IMPG2: variants seen among roughly 807,000 people sequenced by gnomAD.
IMPG2 encodes interphotoreceptor matrix proteoglycan 2.
In IMPG2, 91 loss-of-function variants were observed where a neutral mutation model predicts 129.2. That is an observed-to-expected ratio of 0.70 (90% CI 0.59 to 0.84). IMPG2 has a LOEUF of 0.84. Among genes scored for constraint, IMPG2 ranks in the 40% least tolerant of loss-of-function variants. The pLI, the probability that IMPG2 is intolerant of heterozygous loss-of-function variation, is 0.00. For synonymous variants in IMPG2, 510 were observed against 517.7 expected (o/e 0.99, Z 0.20); for missense variants, 1,430 against 1,461.7 (o/e 0.98, Z 0.35).
At chr3:101,319,861 C>T (rs368537251) in intron 1 of IMPG2, 29 bp from the exon 2 acceptor site, 3 of 1,603,398 alleles carry the variant, frequency 1.9e-6, no homozygotes, top group Non-Finnish European at 1.7e-6. Context: ...GTCAAGTCTT[C>T]GATAATGAAG....
At chr3:101,236,452 G>A (rs964973447) in intron 14 of IMPG2, among the ~76,000 whole-genome samples, 2 of 152,146 alleles carry the variant, frequency 1.3e-5, no homozygotes, top group Non-Finnish European at 2.9e-5. Flanking sequence ...AGCTCCCAGC[G>A]AGATCAATGC....
chr3:101,272,330 G>A (rs74956593), intron 7 of IMPG2, among the ~76,000 whole-genome samples: 6,283 of 152,210 alleles, frequency 0.041, 446 homozygotes, highest in African/African-American at 0.14. Context: ...CAAAGTGACT[G>A]TTGGTAGACA....
chr3:101,227,012 A>T, intron 18 of IMPG2, 31 bp from the exon 19 acceptor site: 1 of 1,550,154 alleles, frequency 6.5e-7, no homozygotes, highest in Non-Finnish European at 8.8e-7. Context: ...GCAATTCAGT[A>T]AAAAAAAAGC....
intron 16 of IMPG2, among the ~76,000 whole-genome samples, chr3:101,230,555 C>T (rs1434719982): frequency 1.3e-5 from 2 of 152,210 alleles, no homozygotes; most frequent in Non-Finnish European, 1.5e-5. Flanking sequence ...TGGTCACACT[C>T]AACCATGCCT....
At chr3:101,229,859 G>A (rs149697885) in intron 16 of IMPG2, among the ~76,000 whole-genome samples, 5 of 152,316 alleles carry the variant, frequency 3.3e-5, no homozygotes, top group Non-Finnish European at 7.3e-5. Context: ...ATTCATAAAT[G>A]TTGGAAACTA....
At chr3:101,280,472 AC>A (rs1034352272) in intron 4 of IMPG2, among the ~76,000 whole-genome samples, 4 of 152,210 alleles carry the variant, frequency 2.6e-5, no homozygotes, top group African/African-American at 9.6e-5. Flanking sequence ...TCAAAAACTT[AC>A]CCTTTAAAAC....
At chr3:101,255,139 T>C (rs972176511) in intron 10 of IMPG2, among the ~76,000 whole-genome samples, 4 of 152,114 alleles carry the variant, frequency 2.6e-5, no homozygotes, top group Non-Finnish European at 4.4e-5. Context: ...AGGTTATTTA[T>C]AGCAGTGTGA....
intron 2 of IMPG2, among the ~76,000 whole-genome samples, chr3:101,312,636 C>T (rs1479682375): frequency 6.6e-6 from 1 of 151,976 alleles, no homozygotes; most frequent in Non-Finnish European, 1.5e-5. Flanking sequence ...TATAAAGTTA[C>T]TATATGACCC....
At chr3:101,299,844 T>C (rs1029309252) in intron 3 of IMPG2, among the ~76,000 whole-genome samples, 1 of 152,128 alleles carries the variant, frequency 6.6e-6, no homozygotes, top group African/African-American at 2.4e-5. Flanking sequence ...CTGTATAGGG[T>C]GTCTGACAAC....
intron 10 of IMPG2, among the ~76,000 whole-genome samples, chr3:101,256,269 CT>C (rs1440610427): frequency 6.6e-6 from 1 of 151,500 alleles, no homozygotes; most frequent in Non-Finnish European, 1.5e-5. Flanking sequence ...ACAGTAAAAT[CT>C]TTTTAAAAGT....
At chr3:101,293,360 T>A (rs1009579848) in intron 3 of IMPG2, among the ~76,000 whole-genome samples, 3 of 152,180 alleles carry the variant, frequency 2.0e-5, no homozygotes, top group African/African-American at 7.2e-5. Flanking sequence ...TGGGTGGCTA[T>A]GAGCATTGCC....
intron 7 of IMPG2, among the ~76,000 whole-genome samples, chr3:101,272,077 C>A (rs956626595): frequency 1.3e-5 from 2 of 148,210 alleles, no homozygotes; most frequent in African/African-American, 2.5e-5. Context: ...ATCATGCCCC[C>A]ACTTCTTATC....
chr3:101,232,530 A>T (rs752992270), intron 15 of IMPG2, among the ~76,000 whole-genome samples: 25 of 151,792 alleles, frequency 1.6e-4, no homozygotes, highest in Non-Finnish European at 2.6e-4. Flanking sequence ...GAGCCACTGC[A>T]CCCAGCCAGT....
At chr3:101,272,122 TACAC>T (rs1284991682) in intron 7 of IMPG2, among the ~76,000 whole-genome samples, 1 of 133,438 alleles carries the variant, frequency 7.5e-6, no homozygotes, top group Non-Finnish European at 1.6e-5. Flanking sequence ...CACACACACA[TACAC>T]ACACACACAG....
intron 4 of IMPG2, among the ~76,000 whole-genome samples, chr3:101,290,832 T>A (rs1706999128): frequency 1.3e-5 from 2 of 152,164 alleles, no homozygotes; most frequent in Non-Finnish European, 2.9e-5. Context: ...AATTCTGAAC[T>A]ATGACCTGGA....
At chr3:101,234,425 C>A (rs1003372795) in intron 14 of IMPG2, among the ~76,000 whole-genome samples, 1 of 152,026 alleles carries the variant, frequency 6.6e-6, no homozygotes, top group African/African-American at 2.4e-5. Context: ...TTTTGGACTT[C>A]TAGCCTCAAG....
chr3:101,282,688 T>C (rs1440170636), intron 4 of IMPG2, among the ~76,000 whole-genome samples: 1 of 152,158 alleles, frequency 6.6e-6, no homozygotes, highest in Non-Finnish European at 1.5e-5. Flanking sequence ...AAACACTAGA[T>C]GAACAAACAA....
In IMPG2 at chr3:101,225,605, T is replaced by G. The variant is rs1350930381; in HGVS notation, c.*1364A>C. 6.6e-6 allele frequency: 1 copy of G among 152,202 alleles called. No homozygotes were observed. The highest frequency in any genetic ancestry group is 1.5e-5 in the Non-Finnish European group (1 of 68,032). 9.4% of individuals were successfully genotyped at this position (152,202 alleles called of 1,614,324 possible). On this transcript the variant is annotated 3_prime_UTR_variant, in exon 19 of 19. Transcript: ENST00000193391. ...TTGAGAAAAAAAAAAGTGAACCAAGTATTTTATCTTATGGTCAGTTTATAC... is the reference window on the plus strand; with the variant it reads ...TTGAGAAAAAAAAAAGTGAACCAAGGATTTTATCTTATGGTCAGTTTATAC...
At chr3:101,297,823 G>T (rs912079776) in intron 3 of IMPG2, among the ~76,000 whole-genome samples, 1 of 152,172 alleles carries the variant, frequency 6.6e-6, no homozygotes, top group Non-Finnish European at 1.5e-5. Flanking sequence ...TTCCAGTTAC[G>T]TGATCAATTT....
Sources: gnomAD v4.1 joint callset for allele counts (sites outside exome capture counted in the v4.1 genomes callset) on GRCh38, gnomAD v4.1.1 for gene constraint, MANE v1.5 for transcripts, NCBI Gene and HGNC (gene_info 2026-07-23, HGNC 2026-07-21) for gene names.